The following NAV2 variants were observed in gnomAD, a reference collection of about 807,000 sequenced individuals.
The protein encoded by NAV2 is helicase, APC down-regulated 1.
In NAV2, 54 loss-of-function variants were observed where a neutral mutation model predicts 223.2. That is an observed-to-expected ratio of 0.24 (90% confidence interval 0.19 to 0.30). The LOEUF is 0.30. Among genes scored for constraint, NAV2 ranks in the 10% least tolerant of loss-of-function variants. The probability of loss-of-function intolerance (pLI) is 1.00; values close to 1 mark genes in which losing one functional copy is unlikely to be tolerated. For missense variants in NAV2, 2,806 were observed against 3,147.5 expected (o/e 0.89, Z 2.60); for synonymous variants, 1,279 against 1,239.3 (o/e 1.03, Z -0.67).
chr11:20,077,761 G>T, intron 23 of NAV2, 126 bp downstream of exon 23: 2 of 800,882 alleles, frequency 2.5e-6, no homozygotes, highest in Non-Finnish European at 4.1e-6. Flanking sequence ...AAGTTTAATT[G>T]TAAGGAGTCC....
At chr11:19,535,730 G>C (rs2044167320) in intron 1 of NAV2, among the ~76,000 whole-genome samples, 1 of 152,082 alleles carries the variant, frequency 6.6e-6, no homozygotes, top group South Asian at 2.1e-4. Context: ...GGTTCAGTGG[G>C]CCCAATCAAG....
At chr11:20,050,231 T>C (rs1489262707) in intron 16 of NAV2, among the ~76,000 whole-genome samples, 2 of 152,104 alleles carry the variant, frequency 1.3e-5, no homozygotes, top group African/African-American at 4.8e-5. Context: ...TTCCTTCCCA[T>C]TCCTTTTGCC....
At chr11:19,850,556 G>A (rs913800734) in intron 3 of NAV2, among the ~76,000 whole-genome samples, 1 of 152,170 alleles carries the variant, frequency 6.6e-6, no homozygotes, top group East Asian at 1.9e-4. Flanking sequence ...TGAGCACTCA[G>A]TATTAATTTG....
At chr11:19,447,389 T>C (rs968809278) in intron 1 of NAV2, among the ~76,000 whole-genome samples, 2 of 152,142 alleles carry the variant, frequency 1.3e-5, no homozygotes, top group African/African-American at 4.8e-5. Flanking sequence ...GGGGTGAAGG[T>C]TCAGAGCCTG....
intron 1 of NAV2, among the ~76,000 whole-genome samples, chr11:19,417,617 A>C (rs146685964): frequency 0.027 from 4,071 of 152,332 alleles, 192 homozygotes; most frequent in African/African-American, 0.092. Flanking sequence ...AGGATTGTAA[A>C]TCATTCTACT....
At chr11:19,644,876 T>G (rs1002101054) in intron 1 of NAV2, among the ~76,000 whole-genome samples, 16 of 152,334 alleles carry the variant, frequency 1.1e-4, no homozygotes, top group Non-Finnish European at 1.8e-4. Flanking sequence ...AGGTTGGGCT[T>G]TGACTGAATG....
chr11:19,473,548 C>G (rs2042028465), intron 1 of NAV2, among the ~76,000 whole-genome samples: 1 of 152,170 alleles, frequency 6.6e-6, no homozygotes, highest in Non-Finnish European at 1.5e-5. Context: ...GATCACACCC[C>G]TTCCCTTTAA....
chr11:19,374,835 C>G (rs1191660153), intron 1 of NAV2, among the ~76,000 whole-genome samples: 1 of 152,182 alleles, frequency 6.6e-6, no homozygotes, highest in Admixed American at 6.5e-5. Flanking sequence ...CTCAATGCCT[C>G]TCCTAGGTTT....
At chr11:19,547,192 C>T (rs527598931) in intron 1 of NAV2, among the ~76,000 whole-genome samples, 21 of 152,264 alleles carry the variant, frequency 1.4e-4, no homozygotes, top group African/African-American at 2.9e-4. Context: ...GCTCTCCAGG[C>T]GATGGAAAGC....
At chr11:19,394,139 T>A (rs892622669) in intron 1 of NAV2, among the ~76,000 whole-genome samples, 1 of 152,190 alleles carries the variant, frequency 6.6e-6, no homozygotes, top group Non-Finnish European at 1.5e-5. Context: ...TTCATTCCCA[T>A]GGATTGCATC....
chr11:19,888,069 G>A (rs529580522), intron 5 of NAV2, among the ~76,000 whole-genome samples: 1 of 152,086 alleles, frequency 6.6e-6, no homozygotes, highest in South Asian at 2.1e-4. Context: ...TGCACACGTT[G>A]GAGAAATTGA....
At chr11:19,635,643 A>G (rs983120433) in intron 1 of NAV2, among the ~76,000 whole-genome samples, 3 of 152,210 alleles carry the variant, frequency 2.0e-5, no homozygotes, top group South Asian at 2.1e-4. Context: ...TAGACAGTCT[A>G]GAAAGAAAAA....
At chr11:20,036,682 A>G (rs1286177073) in intron 12 of NAV2, among the ~76,000 whole-genome samples, 1 of 152,160 alleles carries the variant, frequency 6.6e-6, no homozygotes, top group African/African-American at 2.4e-5. Flanking sequence ...ATTATTTCAC[A>G]TGAAAATGTC....
At chr11:19,364,869 T>G (rs1590057511) in intron 1 of NAV2, among the ~76,000 whole-genome samples, 1 of 152,170 alleles carries the variant, frequency 6.6e-6, no homozygotes, top group Non-Finnish European at 1.5e-5. Context: ...AACTGTCAAC[T>G]CTTGTTATTT....
intron 1 of NAV2, among the ~76,000 whole-genome samples, chr11:19,420,555 C>T (rs1224771065): frequency 6.6e-6 from 1 of 152,168 alleles, no homozygotes; most frequent in Non-Finnish European, 1.5e-5. Context: ...ATACAGTGGA[C>T]TACTACACAT....
intron 1 of NAV2, among the ~76,000 whole-genome samples, chr11:19,723,724 C>G (rs1755533691): frequency 6.6e-6 from 1 of 152,156 alleles, no homozygotes; most frequent in Admixed American, 6.6e-5. Context: ...TGGCTGCTGT[C>G]CCCCAGGTGA....
In NAV2 at chr11:19,647,709, T is replaced by C. The variant is rs2047857104; in HGVS notation, c.76-184775T>C. Reference sequence around the variant, plus strand: ...TGTGAGCCCTGGCCAAGGATGGATGTGGAGTAGAGGGAGAAAGTCAAGGCT... The same window carrying C: ...TGTGAGCCCTGGCCAAGGATGGATGCGGAGTAGAGGGAGAAAGTCAAGGCT... On this transcript the variant is annotated intron_variant, in intron 1 of 37. Transcript: ENST00000360655. Among the ~76,000 whole-genome samples, 4 of 152,062 alleles carry C rather than the reference T, an allele frequency of 2.6e-5. No homozygotes were observed. In the South Asian group the frequency reaches 8.3e-4, roughly 32 times the overall value.
rs144253587 is a variant in NAV2 at position 19,407,531 on chromosome 11, C to T, written c.75+56504C>T. 2.2e-3 allele frequency among the ~76,000 whole-genome samples: 339 copies of T among 152,220 alleles called. 4 individuals carry two copies. The highest frequency in any genetic ancestry group is 7.5e-3 in the African/African-American group (312 of 41,528). On this transcript the variant is annotated intron_variant, in intron 1 of 37. Coordinates refer to the NAV2 transcript ENST00000360655. ...GAACATGGGAGGGTTTGTAAGCATG[C>T]GGAAGAGTTTGACGTTCACCAGTGG...
chr11:19,534,479 G>T (rs1484868449), intron 1 of NAV2, among the ~76,000 whole-genome samples: 1 of 152,234 alleles, frequency 6.6e-6, no homozygotes, highest in Non-Finnish European at 1.5e-5. Flanking sequence ...GTGTCTCATG[G>T]AAGGAGAGCA....
Sources: allele counts gnomAD v4.1 joint callset (sites outside exome capture counted in the v4.1 genomes callset), GRCh38; gene constraint gnomAD v4.1.1; transcripts MANE v1.5; gene names NCBI Gene and HGNC (gene_info 2026-07-23, HGNC 2026-07-21).